ZMAT4: variants seen among roughly 807,000 people sequenced by gnomAD.
The protein encoded by ZMAT4 is zinc finger matrin-type protein 4.
A neutral mutation model predicts 28.7 loss-of-function variants in ZMAT4; 17 were observed. The observed-to-expected ratio is 0.59, with a 90% CI of 0.41 to 0.89. The LOEUF is 0.89. Among genes scored for constraint, ZMAT4 ranks in the 40% least tolerant of loss-of-function variants. ZMAT4 has a pLI of 0.00. For synonymous variants in ZMAT4, 117 were observed against 109.2 expected (o/e 1.07, Z -0.44); for missense variants, 240 against 283.8 (o/e 0.85, Z 1.11).
chr8:40,838,804 A>T (rs1816594365), intron 1 of ZMAT4, among the ~76,000 whole-genome samples: 1 of 152,170 alleles, frequency 6.6e-6, no homozygotes, highest in African/African-American at 2.4e-5. Context: ...TGAAGGAAGG[A>T]TTTGGAAGGT....
intron 5 of ZMAT4, among the ~76,000 whole-genome samples, chr8:40,637,874 T>C (rs968991367): frequency 1.3e-5 from 2 of 152,192 alleles, no homozygotes; most frequent in Admixed American, 6.5e-5. Context: ...TACTATTTAG[T>C]CTTTCAAAAG....
intron 4 of ZMAT4, among the ~76,000 whole-genome samples, chr8:40,693,176 G>T (rs1032644649): frequency 1.3e-5 from 2 of 152,138 alleles, no homozygotes; most frequent in Non-Finnish European, 2.9e-5. Context: ...GAGTGCAGTG[G>T]TGCAACCTCA....
chr8:40,833,685 T>G (rs1287788073), intron 1 of ZMAT4, among the ~76,000 whole-genome samples: 1 of 152,122 alleles, frequency 6.6e-6, no homozygotes, highest in Non-Finnish European at 1.5e-5. Context: ...GCACACACTT[T>G]TCTTTCATTC....
intron 5 of ZMAT4, among the ~76,000 whole-genome samples, chr8:40,667,733 C>T (rs1808482142): frequency 6.7e-6 from 1 of 149,508 alleles, no homozygotes; most frequent in Non-Finnish European, 1.5e-5. Context: ...CTCATGGCTA[C>T]AAGAACAAGT....
At chr8:40,840,025 G>C (rs1816647121) in intron 1 of ZMAT4, among the ~76,000 whole-genome samples, 2 of 152,232 alleles carry the variant, frequency 1.3e-5, no homozygotes, top group South Asian at 2.1e-4. Flanking sequence ...TGGGCTGTGA[G>C]ATGCCTACTG....
At chr8:40,756,547 C>T (rs12678434) in intron 3 of ZMAT4, among the ~76,000 whole-genome samples, 17,163 of 145,598 alleles carry the variant, frequency 0.12, 1,429 homozygotes, top group East Asian at 0.37. Flanking sequence ...CCCAAATATC[C>T]GTAAGTAGGG....
At chr8:40,539,933 A>G (rs1802974129) in intron 6 of ZMAT4, among the ~76,000 whole-genome samples, 1 of 152,202 alleles carries the variant, frequency 6.6e-6, no homozygotes, top group Admixed American at 6.5e-5. Flanking sequence ...TGGAAAGATA[A>G]ACTGTGTGAT....
chr8:40,742,621 C>G (rs1005234006), intron 3 of ZMAT4, among the ~76,000 whole-genome samples: 9 of 152,010 alleles, frequency 5.9e-5, no homozygotes, highest in African/African-American at 2.2e-4. Flanking sequence ...AAAGGTGCCT[C>G]CCTCCAATTT....
chr8:40,782,725 G>A (rs1813890342), intron 2 of ZMAT4, among the ~76,000 whole-genome samples: 1 of 152,152 alleles, frequency 6.6e-6, no homozygotes, highest in Non-Finnish European at 1.5e-5. Context: ...GTCAAGGTGC[G>A]AGTTGTGAGG....
chr8:40,666,705 A>G (rs1808428670), intron 5 of ZMAT4, among the ~76,000 whole-genome samples: 1 of 152,192 alleles, frequency 6.6e-6, no homozygotes, highest in Non-Finnish European at 1.5e-5. Flanking sequence ...TTTCAAAACT[A>G]CAATACAATG....
At chr8:40,839,516 C>T (rs1257878428) in intron 1 of ZMAT4, among the ~76,000 whole-genome samples, 1 of 152,206 alleles carries the variant, frequency 6.6e-6, no homozygotes, top group Non-Finnish European at 1.5e-5. Context: ...AAAAAGATAC[C>T]TGCACTTGTA....
intron 3 of ZMAT4, among the ~76,000 whole-genome samples, chr8:40,704,705 G>C (rs1046942762): frequency 6.6e-6 from 1 of 152,172 alleles, no homozygotes; most frequent in Admixed American, 6.5e-5. Context: ...ATAGTTGAAC[G>C]ACTTGACATG....
intron 6 of ZMAT4, 98 bp from the exon 7 acceptor site, chr8:40,532,336 A>T: frequency 2.0e-6 from 2 of 996,280 alleles, no homozygotes; most frequent in Non-Finnish European, 2.9e-6. Flanking sequence ...TCTACTTCTC[A>T]TATTACCTTA....
chr8:40,773,177 G>A (rs1356380000), intron 2 of ZMAT4, among the ~76,000 whole-genome samples: 1 of 152,170 alleles, frequency 6.6e-6, no homozygotes, highest in Non-Finnish European at 1.5e-5. Flanking sequence ...AGAACATTGG[G>A]CACAGAAACT....
At chr8:40,604,553 C>T (rs1288821214) in intron 5 of ZMAT4, among the ~76,000 whole-genome samples, 1 of 152,212 alleles carries the variant, frequency 6.6e-6, no homozygotes, top group African/African-American at 2.4e-5. Flanking sequence ...ACCATCCCTG[C>T]ATTCCAGGTA....
At chr8:40,881,533 A>AC (rs1189901867) in intron 1 of ZMAT4, among the ~76,000 whole-genome samples, 1 of 15,648 alleles carries the variant, frequency 6.4e-5, no homozygotes, top group African/African-American at 3.2e-4. Flanking sequence ...AGAGACAGAA[A>AC]GAAAGAAAGA....
intron 1 of ZMAT4, among the ~76,000 whole-genome samples, chr8:40,862,949 C>T (rs1174190271): frequency 6.6e-6 from 1 of 151,298 alleles, no homozygotes; most frequent in East Asian, 1.9e-4. Context: ...TGCACATGTA[C>T]CCTAGAACTT....
At chr8:40,597,816 T>C (rs993609377) in intron 5 of ZMAT4, among the ~76,000 whole-genome samples, 2 of 152,202 alleles carry the variant, frequency 1.3e-5, no homozygotes, top group East Asian at 1.9e-4. Flanking sequence ...AACTGAACTC[T>C]GAAGGAATGC....
At chr8:40,797,322 A>G (rs1814643007) in intron 2 of ZMAT4, among the ~76,000 whole-genome samples, 1 of 152,206 alleles carries the variant, frequency 6.6e-6, no homozygotes, top group Non-Finnish European at 1.5e-5. Flanking sequence ...TGCCTCACAC[A>G]TTAATCTCTG....
Sources: allele counts gnomAD v4.1 joint callset (sites outside exome capture counted in the v4.1 genomes callset), GRCh38; gene constraint gnomAD v4.1.1; transcripts MANE v1.5; gene names NCBI Gene and HGNC (gene_info 2026-07-23, HGNC 2026-07-21).